Variants in DDAH1 observed in about 807,000 individuals in gnomAD.
DDAH1 encodes dimethylarginine dimethylaminohydrolase 1.
DDAH1 carries 19 observed loss-of-function variants against 28.8 expected under a neutral mutation model. The ratio of observed to expected loss-of-function variants is 0.66; its 90% CI spans 0.46 to 0.97. The LOEUF is 0.97. DDAH1 is among the 50% of genes least tolerant of loss of function. DDAH1 has a pLI of 0.00. For missense variants in DDAH1, 326 were observed against 375.9 expected (o/e 0.87, Z 1.10); for synonymous variants, 153 against 154.4 (o/e 0.99, Z 0.07).
chr1:85,468,770 G>A (rs1422359463), upstream of DDAH1, among the ~76,000 whole-genome samples: 5 of 152,028 alleles, frequency 3.3e-5, no homozygotes, highest in African/African-American at 9.7e-5. Flanking sequence ...CACCCGCCTC[G>A]GCCTCCCAAA....
intron 1 of DDAH1, among the ~76,000 whole-genome samples, chr1:85,537,095 C>A (rs61783697): frequency 1.3e-5 from 2 of 151,406 alleles, no homozygotes; most frequent in African/African-American, 4.9e-5. Context: ...AATCTCAACA[C>A]TTTGGGAGGC....
chr1:85,521,501 A>G (rs1393420173), intron 1 of DDAH1: 3 of 481,220 alleles, frequency 6.2e-6, no homozygotes. Context: ...CTATGCTGAA[A>G]ACCTTCGTAA....
chr1:85,428,834 G>A (rs1051133537), intron 1 of DDAH1, among the ~76,000 whole-genome samples: 7 of 152,052 alleles, frequency 4.6e-5, no homozygotes, highest in Admixed American at 3.3e-4. Flanking sequence ...AAATTTTCTG[G>A]TGCAGCCTTC....
At chr1:85,479,128 T>A (rs1655901005) in intron 2 of DDAH1, among the ~76,000 whole-genome samples, 2 of 151,262 alleles carry the variant, frequency 1.3e-5, no homozygotes, top group South Asian at 4.2e-4. Context: ...TAGTTAATAA[T>A]CTGAGATTAT....
rs71075841 is a variant in DDAH1, at chr1:85,507,527, T to TAAATAAATAAACAAACAAACAAAC, written c.-122-11247_-122-11246insGTTTGTTTGTTTGTTTATTTATTT. Among the ~76,000 whole-genome samples the TAAATAAATAAACAAACAAACAAAC allele has an allele frequency of 1.3e-3, 197 of 149,350 alleles. 1 individual carries two copies. The highest frequency in any genetic ancestry group is 4.7e-3 in the African/African-American group (191 of 40,754). On this transcript the variant is annotated intron_variant, in intron 1 of 6. Transcript: ENST00000426972. Reference sequence around the variant, plus strand: ...CACAATAAATAAATAAATAAATAAATAAACAAACAAACAGCATCTCCTAAA... The same window carrying TAAATAAATAAACAAACAAACAAAC: ...CACAATAAATAAATAAATAAATAAATAAATAAATAAACAAACAAACAAACAAACAAACAAACAGCATCTCCTAAA...
At chr1:85,326,068 T>C (rs1278276379) in intron 4 of DDAH1, among the ~76,000 whole-genome samples, 1 of 152,230 alleles carries the variant, frequency 6.6e-6, no homozygotes, top group African/African-American at 2.4e-5. Flanking sequence ...TAGTAAGATT[T>C]ATGGTATGAA....
chr1:85,489,459 A>G (rs1485627113), intron 2 of DDAH1, among the ~76,000 whole-genome samples: 2 of 152,186 alleles, frequency 1.3e-5, no homozygotes, highest in Non-Finnish European at 2.9e-5. Context: ...AAGGTGGAAG[A>G]TATTTGGAGT....
intron 1 of DDAH1, among the ~76,000 whole-genome samples, chr1:85,451,937 T>C: frequency 6.6e-6 from 1 of 152,180 alleles, no homozygotes. Flanking sequence ...TATAATTTGG[T>C]TTACAAATGA....
chr1:85,373,021 G>A (rs1650466609), intron 1 of DDAH1, among the ~76,000 whole-genome samples: 1 of 152,180 alleles, frequency 6.6e-6, no homozygotes, highest in East Asian at 1.9e-4. Flanking sequence ...AAATTTTTCT[G>A]ATGTATCTTA....
chr1:85,428,787 A>T (rs1267654595), intron 1 of DDAH1, among the ~76,000 whole-genome samples: 2 of 152,112 alleles, frequency 1.3e-5, no homozygotes, highest in African/African-American at 2.4e-5. Flanking sequence ...AGGAAGATCA[A>T]GCATTTTAGC....
chr1:85,410,913 C>A (rs1652625590), intron 1 of DDAH1, among the ~76,000 whole-genome samples: 1 of 152,170 alleles, frequency 6.6e-6, no homozygotes, highest in African/African-American at 2.4e-5. Context: ...AAGAAGCAGG[C>A]ATTCTGATGA....
rs138518503 is a variant in DDAH1, at chr1:85,367,421, C to T, written c.304-8574G>A. 1.2e-3 allele frequency among the ~76,000 whole-genome samples: 183 copies of T among 152,238 alleles called. 1 individual carries two copies. Among genetic ancestry groups the T allele is most frequent in the Non-Finnish European group, 1.9e-3 (126 of 67,998 alleles). On this transcript the variant is annotated intron_variant, in intron 1 of 5. Transcript: ENST00000284031. The stretch of plus-strand genomic sequence containing the variant: ...GAGTAGATGGGCTTCCCCAGGTGAT[C>T]CCTGTTATCTTTATCTCCTCAACAC...
chr1:85,566,374 C>T (rs1248029294), intron 1 of DDAH1, among the ~76,000 whole-genome samples: 3 of 151,496 alleles, frequency 2.0e-5, no homozygotes, highest in Non-Finnish European at 4.4e-5. Flanking sequence ...CACCTGTAGT[C>T]CCAGCTACTC....
intron 1 of DDAH1, among the ~76,000 whole-genome samples, chr1:85,393,776 T>A (rs1651675480): frequency 6.6e-6 from 1 of 152,196 alleles, no homozygotes. Context: ...AGATGTAAAT[T>A]TTCTACATTG....
At chr1:85,554,669 A>C (rs912205165) in intron 1 of DDAH1, among the ~76,000 whole-genome samples, 1 of 152,218 alleles carries the variant, frequency 6.6e-6, no homozygotes, top group African/African-American at 2.4e-5. Flanking sequence ...AAAAAGCCTC[A>C]AATCAAAACA....
At chr1:85,418,180 A>G (rs894276394) in intron 1 of DDAH1, among the ~76,000 whole-genome samples, 1 of 152,210 alleles carries the variant, frequency 6.6e-6, no homozygotes. Context: ...AAACACAAAA[A>G]CATACATTTG....
At chr1:85,576,008 A>G (rs1426381311) in intron 1 of DDAH1, 2 of 152,064 alleles carry the variant, frequency 1.3e-5, no homozygotes, top group Non-Finnish European at 1.5e-5. Context: ...ACATGTATAC[A>G]TATGTAACAA....
chr1:85,426,829 T>C (rs1653414371), intron 1 of DDAH1, among the ~76,000 whole-genome samples: 1 of 146,288 alleles, frequency 6.8e-6, no homozygotes, highest in African/African-American at 2.5e-5. Flanking sequence ...GGAGCATTGC[T>C]TAACCCCAGG....
intron 1 of DDAH1, among the ~76,000 whole-genome samples, chr1:85,569,919 T>C (rs1283062107): frequency 6.6e-6 from 1 of 152,206 alleles, no homozygotes; most frequent in Non-Finnish European, 1.5e-5. Flanking sequence ...TCACTCGCTA[T>C]ACCCCATGCT....
Sources: allele counts gnomAD v4.1 joint callset (sites outside exome capture counted in the v4.1 genomes callset), GRCh38; gene constraint gnomAD v4.1.1; transcripts MANE v1.5; gene names NCBI Gene and HGNC (gene_info 2026-07-23, HGNC 2026-07-21).